The following CTNND2 variants were observed in gnomAD, a reference collection of about 807,000 sequenced individuals.
The protein encoded by CTNND2 is catenin delta-2.
CTNND2 carries 22 observed loss-of-function variants against 144.4 expected under a neutral mutation model. The observed-to-expected ratio is 0.15, with a 90% CI of 0.11 to 0.22. The LOEUF is 0.22. CTNND2 is among the 10% of genes least tolerant of loss of function. The probability of loss-of-function intolerance (pLI) is 1.00; values close to 1 mark genes in which losing one functional copy is unlikely to be tolerated. For synonymous variants in CTNND2, 751 were observed against 695.6 expected (o/e 1.08, Z -1.25); for missense variants, 1,353 against 1,618.8 (o/e 0.84, Z 2.82).
At chr5:11,372,460 G>C (rs1757548520) in intron 7 of CTNND2, among the ~76,000 whole-genome samples, 1 of 152,154 alleles carries the variant, frequency 6.6e-6, no homozygotes, top group African/African-American at 2.4e-5. Context: ...ACTTGCAGTG[G>C]AAGGTTGTTC....
At chr5:11,757,560 T>G (rs1025992745) in intron 1 of CTNND2, among the ~76,000 whole-genome samples, 1 of 151,950 alleles carries the variant, frequency 6.6e-6, no homozygotes, top group African/African-American at 2.4e-5. Context: ...GCATTTCCAA[T>G]GGAGACTTCG....
chr5:11,791,658 G>C (rs1791142117), intron 1 of CTNND2, among the ~76,000 whole-genome samples: 1 of 152,192 alleles, frequency 6.6e-6, no homozygotes, highest in South Asian at 2.1e-4. Context: ...AGAAACACTA[G>C]CTTAATCTCC....
intron 1 of CTNND2, among the ~76,000 whole-genome samples, chr5:11,774,517 A>C (rs1024615476): frequency 7.1e-6 from 1 of 140,696 alleles, no homozygotes; most frequent in Non-Finnish European, 1.5e-5. Context: ...AACCTGCACA[A>C]TGTGCACATG....
At chr5:11,663,417 A>AG (rs1412972811) in intron 2 of CTNND2, among the ~76,000 whole-genome samples, 1 of 152,178 alleles carries the variant, frequency 6.6e-6, no homozygotes, top group African/African-American at 2.4e-5. Flanking sequence ...GAGTTATATA[A>AG]CTATTAAGGT....
chr5:11,068,774 G>A (rs143012593), intron 16 of CTNND2, among the ~76,000 whole-genome samples: 1 of 152,056 alleles, frequency 6.6e-6, no homozygotes, highest in South Asian at 2.1e-4. Flanking sequence ...CAAATTATCC[G>A]GGCGTGGTGG....
At chr5:11,591,957 G>A (rs912971783) in intron 2 of CTNND2, among the ~76,000 whole-genome samples, 3 of 152,060 alleles carry the variant, frequency 2.0e-5, no homozygotes, top group Non-Finnish European at 4.4e-5. Flanking sequence ...GCTGGTAGCT[G>A]AAAATGTAGT....
intron 3 of CTNND2, among the ~76,000 whole-genome samples, chr5:11,556,113 C>T (rs528503809): frequency 1.6e-4 from 24 of 152,054 alleles, no homozygotes; most frequent in African/African-American, 5.5e-4. Context: ...CAATTACTCC[C>T]TAACTTTGAA....
intron 3 of CTNND2, among the ~76,000 whole-genome samples, chr5:11,534,239 C>T (rs1190597874): frequency 6.6e-6 from 1 of 152,162 alleles, no homozygotes; most frequent in South Asian, 2.1e-4. Context: ...ACAGTTACAT[C>T]AGCTTGTTGT....
At chr5:11,128,731 A>ATATATACATT (rs1754943065) in intron 12 of CTNND2, among the ~76,000 whole-genome samples, 1 of 55,222 alleles carries the variant, frequency 1.8e-5, no homozygotes, top group Non-Finnish European at 2.9e-5. Flanking sequence ...CATATATATA[A>ATATATACATT]TATATATATT....
intron 9 of CTNND2, among the ~76,000 whole-genome samples, chr5:11,307,900 G>A (rs929728376): frequency 6.6e-6 from 1 of 152,136 alleles, no homozygotes. Context: ...TTTGGGAGGT[G>A]ATTAGGTTAT....
chr5:11,635,908 G>T lies in CTNND2; in HGVS notation c.175-70852C>A, dbSNP rs575162458. On this transcript the variant is annotated intron_variant, in intron 2 of 21. Transcript: ENST00000304623. Reference sequence around the variant, plus strand: ...CTCTTTAATGCCAGCATGTATTTTGGAGTATCTTTTTTTTCTACTTTATAT... The same window carrying T: ...CTCTTTAATGCCAGCATGTATTTTGTAGTATCTTTTTTTTCTACTTTATAT... Among the ~76,000 whole-genome samples, 25 of 152,030 alleles carry T rather than the reference G, an allele frequency of 1.6e-4. 1 individual carries two copies. The South Asian group carries it at 5.0e-3, about 30-fold the overall frequency.
intron 2 of CTNND2, among the ~76,000 whole-genome samples, chr5:11,603,562 A>G (rs532523448): frequency 6.6e-6 from 1 of 152,288 alleles, no homozygotes; most frequent in South Asian, 2.1e-4. Context: ...GTAAATGGCT[A>G]ATTATAGAGT....
intron 20 of CTNND2, among the ~76,000 whole-genome samples, chr5:10,982,623 T>C (rs1737428999): frequency 6.6e-6 from 1 of 152,228 alleles, no homozygotes; most frequent in Non-Finnish European, 1.5e-5. Flanking sequence ...AGAATGACCA[T>C]ATCACCTAGC....
chr5:11,149,425 T>G (rs1757541800), intron 12 of CTNND2, among the ~76,000 whole-genome samples: 2 of 152,194 alleles, frequency 1.3e-5, no homozygotes, highest in South Asian at 4.1e-4. Context: ...TTATGGGGGA[T>G]GATTCATCAG....
At chr5:11,589,047 A>G in intron 2 of CTNND2, 1 of 985,238 alleles carries the variant, frequency 1.0e-6, no homozygotes, top group Non-Finnish European at 1.2e-6. Flanking sequence ...AAGACATATC[A>G]GAGATACCAC....
intron 9 of CTNND2, among the ~76,000 whole-genome samples, chr5:11,331,993 A>G (rs1753189408): frequency 1.3e-5 from 2 of 152,126 alleles, no homozygotes; most frequent in South Asian, 4.1e-4. Context: ...AGAATAATGT[A>G]GGCCGGGCAT....
intron 1 of CTNND2, among the ~76,000 whole-genome samples, chr5:11,739,719 C>T (rs541808655): frequency 6.6e-5 from 10 of 152,188 alleles, no homozygotes; most frequent in Non-Finnish European, 1.0e-4. Flanking sequence ...AAAGAAATAA[C>T]GGGTATTCAA....
intron 9 of CTNND2, among the ~76,000 whole-genome samples, chr5:11,266,065 C>T (rs969666627): frequency 2.6e-5 from 4 of 151,936 alleles, no homozygotes; most frequent in African/African-American, 9.7e-5. Context: ...AGTTTTGATC[C>T]ATAAAGACAA....
At chr5:11,275,513 T>C (rs1746435630) in intron 9 of CTNND2, among the ~76,000 whole-genome samples, 1 of 152,176 alleles carries the variant, frequency 6.6e-6, no homozygotes, top group Admixed American at 6.5e-5. Flanking sequence ...CATCTGCTTC[T>C]TAGTCTCTTC....
Sources: allele counts gnomAD v4.1 joint callset (sites outside exome capture counted in the v4.1 genomes callset), GRCh38; gene constraint gnomAD v4.1.1; transcripts MANE v1.5; gene names NCBI Gene and HGNC (gene_info 2026-07-23, HGNC 2026-07-21).